SPEF2: variants seen among roughly 807,000 people sequenced by gnomAD.
SPEF2 encodes the protein sperm flagellar and cilia associated 2, also known as sperm flagella and cilia-associated protein 2.
A neutral mutation model predicts 224.6 loss-of-function variants in SPEF2; 187 were observed. That is an observed-to-expected ratio of 0.83 (90% CI 0.74 to 0.94). The LOEUF is 0.94. Among genes scored for constraint, SPEF2 ranks in the 40% least tolerant of loss-of-function variants. The pLI is 0.00. For missense variants in SPEF2, 2,170 were observed against 2,135.6 expected (o/e 1.02, Z -0.32); for synonymous variants, 715 against 707.3 (o/e 1.01, Z -0.17).
chr5:35,678,823 A>T (rs1752380559), intron 10 of SPEF2: 1 of 152,210 alleles, frequency 6.6e-6, no homozygotes, highest in Non-Finnish European at 1.5e-5. Flanking sequence ...TCACCTGGCT[A>T]TCAAACAGGT....
intron 10 of SPEF2, chr5:35,671,047 G>T: frequency 1.0e-6 from 1 of 985,332 alleles, no homozygotes; most frequent in Non-Finnish European, 1.2e-6. Flanking sequence ...GAAATTTTGA[G>T]TGGATCAACA....
chr5:35,773,870 A>G (rs189767145), intron 27 of SPEF2, 23 bp from the exon 28 acceptor site: 95 of 1,605,434 alleles, frequency 5.9e-5, no homozygotes, highest in South Asian at 4.4e-4. Context: ...TAGTTTACTC[A>G]GCATGTTTCA....
intron 30 of SPEF2, chr5:35,781,426 A>G (rs1218688067): frequency 2.6e-5 from 4 of 152,220 alleles, no homozygotes; most frequent in Non-Finnish European, 5.9e-5. Flanking sequence ...GAATGTTTAC[A>G]GTTAGGGGAA....
chr5:35,795,662 A>T (rs1580765781), intron 32 of SPEF2, 41 bp from the exon 33 acceptor site: 1 of 1,577,536 alleles, frequency 6.3e-7, no homozygotes. Flanking sequence ...ATCTCAGCAA[A>T]ATACATACTT....
intron 19 of SPEF2, among the ~76,000 whole-genome samples, chr5:35,711,583 C>G (rs1335398481): frequency 7.0e-6 from 1 of 142,636 alleles, no homozygotes; most frequent in Non-Finnish European, 1.5e-5. Context: ...TTCCCTCCCT[C>G]TCTCCCTTCT....
At chr5:35,734,771 C>G (rs1487188383) in intron 21 of SPEF2, among the ~76,000 whole-genome samples, 2 of 145,114 alleles carry the variant, frequency 1.4e-5, no homozygotes. Context: ...GAGTACACTG[C>G]TGCAATCTCA....
At chr5:35,619,143 A>AT (rs1743108727) in intron 1 of SPEF2, among the ~76,000 whole-genome samples, 1 of 152,110 alleles carries the variant, frequency 6.6e-6, no homozygotes, top group Non-Finnish European at 1.5e-5. Context: ...TCAAATAACC[A>AT]TCTACACACT....
chr5:35,793,026 CAG>C, intron 31 of SPEF2, 131 bp from the exon 32 acceptor site: 1 of 768,192 alleles, frequency 1.3e-6, no homozygotes, highest in Non-Finnish European at 2.1e-6. Context: ...AAACAAAAGT[CAG>C]AACTGATTCT....
chr5:35,803,946 G>A (rs1427964811), intron 34 of SPEF2, among the ~76,000 whole-genome samples: 1 of 152,218 alleles, frequency 6.6e-6, no homozygotes, highest in East Asian at 1.9e-4. Context: ...GCATTCATCA[G>A]TAATGCCCTA....
chr5:35,733,342 C>T (rs528578374), intron 21 of SPEF2, among the ~76,000 whole-genome samples: 2 of 152,292 alleles, frequency 1.3e-5, no homozygotes, highest in South Asian at 4.2e-4. Flanking sequence ...TCGCGATCTC[C>T]TCACCTCGTG....
chr5:35,795,668 T>A, intron 32 of SPEF2, 35 bp from the exon 33 acceptor site: 1 of 1,586,292 alleles, frequency 6.3e-7, no homozygotes, highest in Non-Finnish European at 8.6e-7. Flanking sequence ...GCAAAATACA[T>A]ACTTTAACAA....
intron 26 of SPEF2, chr5:35,764,534 T>C (rs767074961): frequency 3.4e-4 from 157 of 455,686 alleles, no homozygotes; most frequent in Admixed American, 1.2e-3. Context: ...TATTCCCTCA[T>C]CTGCCAGGTC....
At chr5:35,705,574 G>A (rs765012479) in intron 17 of SPEF2, 77 bp from the exon 18 acceptor site, 210 of 1,041,482 alleles carry the variant, frequency 2.0e-4, no homozygotes, top group Non-Finnish European at 1.2e-4. Context: ...CATTACGCAT[G>A]TCGGATAATT....
At position 35,691,702 on chromosome 5, in the gene SPEF2, T is replaced by C. The variant is rs116546927; in HGVS notation, c.1744+446T>C. On this transcript the variant is annotated intron_variant, in intron 11 of 36. Coordinates refer to ENST00000356031, the MANE Select transcript of SPEF2 (RefSeq NM_024867.4). ...GTGATGGTTGCACACATTGTGAATG[T>C]CTAAATGCTACTGAAATGTATCCTT... is the stretch of plus-strand genomic sequence containing the variant. 9.0e-3 allele frequency among the ~76,000 whole-genome samples: 1,369 copies of C among 152,358 alleles called. 17 individuals carry two copies. The highest frequency in any genetic ancestry group is 0.032 in the African/African-American group (1,332 of 41,584).
At chr5:35,804,557 C>A (rs752990477) in intron 34 of SPEF2, among the ~76,000 whole-genome samples, 8 of 152,120 alleles carry the variant, frequency 5.3e-5, no homozygotes, top group Non-Finnish European at 1.0e-4. Flanking sequence ...CTCAGTCTCT[C>A]TCCCTTCCTT....
intron 21 of SPEF2, among the ~76,000 whole-genome samples, chr5:35,728,659 G>T (rs1330930329): frequency 1.3e-5 from 2 of 152,126 alleles, no homozygotes; most frequent in African/African-American, 2.4e-5. Flanking sequence ...ACTCTTTGGC[G>T]AGGGTAGGAA....
intron 1 of SPEF2, among the ~76,000 whole-genome samples, chr5:35,626,255 T>C (rs1744235916): frequency 6.6e-6 from 1 of 152,178 alleles, no homozygotes; most frequent in Non-Finnish European, 1.5e-5. Flanking sequence ...AGGACAGATA[T>C]GACTGATAGG....
chr5:35,634,161 A>G (rs181847885), intron 2 of SPEF2, among the ~76,000 whole-genome samples: 103 of 152,194 alleles, frequency 6.8e-4, no homozygotes, highest in Middle Eastern at 3.4e-3. Context: ...TTGTCCTTTC[A>G]TTTAGGACTT....
intron 10 of SPEF2, among the ~76,000 whole-genome samples, chr5:35,689,378 T>C (rs1561200456): frequency 6.6e-6 from 1 of 152,188 alleles, no homozygotes; most frequent in African/African-American, 2.4e-5. Flanking sequence ...TACAGATAGT[T>C]ACAGAGGTGT....
Sources: allele counts gnomAD v4.1 joint callset (sites outside exome capture counted in the v4.1 genomes callset), GRCh38; gene constraint gnomAD v4.1.1; transcripts MANE v1.5; gene names NCBI Gene and HGNC (gene_info 2026-07-23, HGNC 2026-07-21).